The following TLL2 variants were observed in gnomAD, a reference collection of about 807,000 sequenced individuals.
TLL2 encodes tolloid like 2, also known as tolloid-like protein 2.
Under a neutral mutation model 123.0 loss-of-function variants are expected in TLL2, and 106 were observed. The observed-to-expected ratio is 0.86, with a 90% CI of 0.74 to 1.01. TLL2 has a LOEUF of 1.01. Among genes scored for constraint, TLL2 ranks in the 50% least tolerant of loss-of-function variants. The pLI, the probability that TLL2 is intolerant of heterozygous loss-of-function variation, is 0.00. For synonymous variants in TLL2, 494 were observed against 516.8 expected, an observed-to-expected ratio of 0.96 and a Z score of 0.60; for missense variants, 1,332 against 1,336.7, an observed-to-expected ratio of 1.00 and a Z score of 0.06.
At chr10:96,452,173 G>A (rs936025403) in intron 2 of TLL2, among the ~76,000 whole-genome samples, 4 of 152,326 alleles carry the variant, frequency 2.6e-5, no homozygotes, top group South Asian at 2.1e-4. Context: ...AGATCATTTC[G>A]TGGGATTAAG....
intron 13 of TLL2, among the ~76,000 whole-genome samples, chr10:96,389,996 C>G (rs1308541229): frequency 6.6e-6 from 1 of 152,256 alleles, no homozygotes; most frequent in Non-Finnish European, 1.5e-5. Flanking sequence ...GCAGCACCTG[C>G]TCCAAGCCCA....
At chr10:96,388,009 C>G (rs530910832) in intron 13 of TLL2, among the ~76,000 whole-genome samples, 4 of 152,198 alleles carry the variant, frequency 2.6e-5, no homozygotes, top group African/African-American at 7.2e-5. Context: ...ACTGAGACAT[C>G]TTTTTCAAAA....
At position 96,367,988 on chromosome 10, in the gene TLL2, CT is replaced by C. The variant is rs1846044904; in HGVS notation, c.*99del. ...TCTGAGTTTTTGTTTGAGAAAAATACTGTACACTGTTTTAGGGCAGATTTTC... is the reference window on the plus strand; with the variant it reads ...TCTGAGTTTTTGTTTGAGAAAAATACGTACACTGTTTTAGGGCAGATTTTC... On this transcript the variant is annotated 3_prime_UTR_variant, in exon 21 of 21. Coordinates refer to ENST00000357947, the MANE Select transcript of TLL2 (RefSeq NM_012465.4). 15 of 1,415,224 alleles carry C rather than the reference CT, an allele frequency of 1.1e-5. No individual in the cohort carries two copies. Among genetic ancestry groups the C allele is most frequent in the Non-Finnish European group, 1.4e-5 (15 of 1,043,830 alleles). The allele number at this position is 1,415,224 out of a possible 1,614,324, so 87.7% of individuals were successfully genotyped here. A position where few individuals can be genotyped will look rare whatever the true frequency, so the allele number is the denominator to read the frequency against.
chr10:96,441,613 T>C (rs1464648723), intron 3 of TLL2, among the ~76,000 whole-genome samples: 1 of 152,174 alleles, frequency 6.6e-6, no homozygotes, highest in Non-Finnish European at 1.5e-5. Flanking sequence ...TCAAGATAAA[T>C]GCTGCCATTT....
chr10:96,500,390 C>A (rs539403968), intron 1 of TLL2, among the ~76,000 whole-genome samples: 1 of 152,116 alleles, frequency 6.6e-6, no homozygotes, highest in African/African-American at 2.4e-5. Flanking sequence ...AAGGCCTAAA[C>A]GCATTGGTAC....
chr10:96,371,472 G>C (rs1459386227), intron 19 of TLL2, among the ~76,000 whole-genome samples: 4 of 152,260 alleles, frequency 2.6e-5, no homozygotes, highest in African/African-American at 9.6e-5. Flanking sequence ...CGCTGTTGTA[G>C]ATTCTGGGCC....
At chr10:96,387,726 A>C (rs990341143) in intron 13 of TLL2, among the ~76,000 whole-genome samples, 3 of 152,302 alleles carry the variant, frequency 2.0e-5, no homozygotes, top group Non-Finnish European at 4.4e-5. Context: ...ATTCAGCACC[A>C]AGGGCCTAGT....
intron 2 of TLL2, among the ~76,000 whole-genome samples, chr10:96,449,974 G>A (rs914296328): frequency 6.6e-6 from 1 of 152,106 alleles, no homozygotes; most frequent in African/African-American, 2.4e-5. Flanking sequence ...CTCTCCACAA[G>A]GTACTGGGAT....
chr10:96,480,499 A>C (rs1457822861), intron 1 of TLL2, 40 bp from the exon 2 acceptor site: 1 of 1,531,580 alleles, frequency 6.5e-7, no homozygotes. Flanking sequence ...TTATGCTAGA[A>C]GTCAAGAAAA....
At chr10:96,482,743 G>A (rs1051419784) in intron 1 of TLL2, among the ~76,000 whole-genome samples, 8 of 152,160 alleles carry the variant, frequency 5.3e-5, no homozygotes, top group African/African-American at 1.9e-4. Flanking sequence ...CTGGATTGTA[G>A]TTATGGTTAC....
chr10:96,413,421 C>T (rs1846526596), intron 7 of TLL2, 105 bp from the exon 8 acceptor site: 1 of 1,420,790 alleles, frequency 7.0e-7, no homozygotes, highest in Non-Finnish European at 9.4e-7. Context: ...ATCAACATTC[C>T]TGCCCCCTGG....
Position 96,370,112 on chromosome 10 carries a change from C to T in TLL2, c.2866G>A (p.Gly956Ser), listed in dbSNP as rs1035780660. 4 of 1,612,872 alleles carry T rather than the reference C, an allele frequency of 2.5e-6. No individual in the cohort carries two copies. The highest frequency in any genetic ancestry group is 1.1e-5 in the South Asian group (1 of 90,840). Residue 956 changes from glycine (G) to serine (S), a missense_variant, in exon 20 of 21, where the codon GGC (glycine) becomes AGC (serine). Coordinates refer to ENST00000357947, the MANE Select transcript of TLL2 (RefSeq NM_012465.4). ...CGYDYMEAYD[G>S]YDSSAPRLGR... ...AGCCTGGGCGCTGAGCTGTCGTAGCCGTCGTAGGCTTCCATGTAGTCGTAG... is the reference window on the plus strand; with the variant it reads ...AGCCTGGGCGCTGAGCTGTCGTAGCTGTCGTAGGCTTCCATGTAGTCGTAG...
intron 5 of TLL2, among the ~76,000 whole-genome samples, chr10:96,427,078 T>C (rs1366796755): frequency 6.6e-6 from 1 of 152,224 alleles, no homozygotes; most frequent in Non-Finnish European, 1.5e-5. Flanking sequence ...CTAGACATTC[T>C]GCAATTTTAA....
At position 96,413,208 on chromosome 10, in the gene TLL2, C is replaced by T. The variant is rs1459598900; in HGVS notation, c.1032G>A (p.Lys344=). The T allele has an allele frequency of 6.2e-7, 1 of 1,614,160 alleles. No individual in the cohort carries two copies. Among genetic ancestry groups the T allele is most frequent in the South Asian group, 1.1e-5 (1 of 91,076 alleles). The change falls in exon 8 of 21, where the codon AAG becomes AAA. Residue 344 remains lysine, a synonymous_variant. Coordinates refer to ENST00000357947, the MANE Select transcript of TLL2 (RefSeq NM_012465.4). ...CATAGTTACCTGGGCATTTGTACAG[C>T]TTCCGGGCTTGAGCTATGTCTCCCT... is the stretch of plus-strand genomic sequence containing the variant. ...LSQGDIAQAR[K]LYKCPACGET... is the part of the protein sequence containing the mutation.
chr10:96,447,158 GGGAA>G (rs1846903840), intron 2 of TLL2, among the ~76,000 whole-genome samples: 1 of 152,000 alleles, frequency 6.6e-6, no homozygotes, highest in South Asian at 2.1e-4. Flanking sequence ...TCCTCCGCAG[GGGAA>G]GGATCCAGAA....
intron 1 of TLL2, among the ~76,000 whole-genome samples, chr10:96,483,406 A>T (rs1847329791): frequency 6.6e-6 from 1 of 152,228 alleles, no homozygotes; most frequent in Non-Finnish European, 1.5e-5. Flanking sequence ...ACATGTGTCC[A>T]GCCTGATTTC....
chr10:96,427,245 A>G (rs572834013), intron 5 of TLL2, among the ~76,000 whole-genome samples: 2 of 152,310 alleles, frequency 1.3e-5, no homozygotes, highest in African/African-American at 4.8e-5. Context: ...GCCTTTAAGA[A>G]TTTGTTAAGA....
At chr10:96,387,169 G>A in intron 13 of TLL2, 91 bp from the exon 14 acceptor site, 1 of 1,550,912 alleles carries the variant, frequency 6.4e-7, no homozygotes, top group Non-Finnish European at 8.8e-7. Context: ...ACCAGCAAGT[G>A]TCCTCTAATA....
intron 8 of TLL2, chr10:96,410,759 C>A (rs1171855186): frequency 5.8e-6 from 3 of 516,734 alleles, no homozygotes; most frequent in Non-Finnish European, 7.3e-6. Context: ...GTGGCTTGGG[C>A]AAGTTTCCTA....
Sources: allele counts gnomAD v4.1 joint callset (sites outside exome capture counted in the v4.1 genomes callset), GRCh38; gene constraint gnomAD v4.1.1; transcripts MANE v1.5; gene names NCBI Gene and HGNC (gene_info 2026-07-23, HGNC 2026-07-21).